ADGRL2: variants seen among roughly 807,000 people sequenced by gnomAD.
ADGRL2 encodes the protein adhesion G protein-coupled receptor L2.
A neutral mutation model predicts 157.4 loss-of-function variants in ADGRL2; 44 were observed. That is an observed-to-expected ratio of 0.28 (90% confidence interval 0.22 to 0.36). ADGRL2 has a LOEUF of 0.36. Among genes scored for constraint, ADGRL2 ranks in the 10% least tolerant of loss-of-function variants. ADGRL2 has a pLI of 1.00. For synonymous variants in ADGRL2, 585 were observed against 624.7 expected (o/e 0.94, Z 0.95); for missense variants, 1,510 against 1,768.9 (o/e 0.85, Z 2.63).
intron 1 of ADGRL2, among the ~76,000 whole-genome samples, chr1:81,390,008 G>A (rs2076504896): frequency 1.3e-5 from 2 of 152,020 alleles, no homozygotes; most frequent in South Asian, 4.1e-4. Flanking sequence ...TACAGGTTGA[G>A]GTAATGGTCT....
chr1:81,575,460 T>C (rs928492043), intron 2 of ADGRL2, among the ~76,000 whole-genome samples: 3 of 143,456 alleles, frequency 2.1e-5, no homozygotes, highest in African/African-American at 7.3e-5. Context: ...TAAATCACTG[T>C]TAGCGGCAGT....
intron 3 of ADGRL2, among the ~76,000 whole-genome samples, chr1:81,653,230 C>T (rs970736174): frequency 4.0e-5 from 6 of 151,814 alleles, no homozygotes; most frequent in African/African-American, 1.5e-4. Flanking sequence ...TCCTCCATTA[C>T]TCAGTACATG....
intron 1 of ADGRL2, among the ~76,000 whole-genome samples, chr1:81,358,361 T>A (rs1343560964): frequency 6.6e-6 from 1 of 152,186 alleles, no homozygotes; most frequent in African/African-American, 2.4e-5. Context: ...GATGACTAAG[T>A]TGAAGATGCC....
Position 81,971,856 on chromosome 1 carries a change from T to A in ADGRL2, c.2959T>A (p.Trp987Arg). ...YKSYGTEKAC[W>R]LHVDNYFIWS... ...ATTCTTCTCTTTTCATAATAGTTGC[T>A]GGCTTCATGTTGATAACTACTTTAT... The change falls in exon 17 of 24, where the codon TGG (tryptophan) becomes AGG (arginine). Residue 987 changes from tryptophan to arginine, a missense_variant. Coordinates refer to ENST00000686636, the MANE Select transcript of ADGRL2 (RefSeq NM_001366006.2). The A allele has an allele frequency of 6.3e-7, 1 of 1,596,958 alleles. No homozygotes were observed. The highest frequency in any genetic ancestry group is 8.6e-7 in the Non-Finnish European group (1 of 1,165,496).
intron 10 of ADGRL2, among the ~76,000 whole-genome samples, chr1:81,954,213 C>CT (rs140156138): frequency 0.28 from 41,559 of 147,910 alleles, 6,141 homozygotes; most frequent in Middle Eastern, 0.37. Flanking sequence ...AAAAGAATAG[C>CT]TTTTTTTTTT....
chr1:81,539,894 C>A (rs967222746), intron 2 of ADGRL2, among the ~76,000 whole-genome samples: 1 of 151,804 alleles, frequency 6.6e-6, no homozygotes, highest in Non-Finnish European at 1.5e-5. Context: ...ACATCCCTTA[C>A]TCTAGAACTT....
intron 2 of ADGRL2, among the ~76,000 whole-genome samples, chr1:81,448,881 C>T (rs1307221332): frequency 6.6e-6 from 1 of 152,094 alleles, no homozygotes; most frequent in Admixed American, 6.6e-5. Context: ...GTCTATATTA[C>T]ACCCAAAACT....
At chr1:81,763,152 AATAG>A (rs1384128183) in intron 2 of ADGRL2, among the ~76,000 whole-genome samples, 5 of 152,212 alleles carry the variant, frequency 3.3e-5, no homozygotes, top group Admixed American at 6.5e-5. Flanking sequence ...TCCTATAATA[AATAG>A]ATATTGTTTT....
chr1:81,543,338 T>C (rs1211766932), intron 2 of ADGRL2, among the ~76,000 whole-genome samples: 5 of 151,970 alleles, frequency 3.3e-5, no homozygotes, highest in Non-Finnish European at 7.4e-5. Flanking sequence ...CCTTCCATCA[T>C]GTGAGGACAC....
At chr1:81,688,833 T>C (rs2083279445) in intron 3 of ADGRL2, among the ~76,000 whole-genome samples, 1 of 152,112 alleles carries the variant, frequency 6.6e-6, no homozygotes, top group African/African-American at 2.4e-5. Flanking sequence ...CTGAAGGCTG[T>C]TGTTCAGATT....
intron 3 of ADGRL2, among the ~76,000 whole-genome samples, chr1:81,661,484 C>T (rs890834864): frequency 1.3e-5 from 2 of 152,146 alleles, no homozygotes; most frequent in Non-Finnish European, 2.9e-5. Context: ...CTAAATATGT[C>T]ATTTAAACTA....
chr1:81,502,420 C>A, intron 2 of ADGRL2: 1 of 1,614,062 alleles, frequency 6.2e-7, no homozygotes, highest in Non-Finnish European at 8.5e-7. Flanking sequence ...ATGAACTGGA[C>A]GGTGATCCTG....
At chr1:81,494,664 C>G (rs940335144) in intron 2 of ADGRL2, among the ~76,000 whole-genome samples, 2 of 152,132 alleles carry the variant, frequency 1.3e-5, no homozygotes, top group African/African-American at 4.8e-5. Flanking sequence ...GTTGGCACCC[C>G]TACAAATGTA....
intron 1 of ADGRL2, among the ~76,000 whole-genome samples, chr1:81,710,676 A>G (rs2083899296): frequency 6.6e-6 from 1 of 151,016 alleles, no homozygotes; most frequent in African/African-American, 2.4e-5. Flanking sequence ...TACATCTCTC[A>G]GTATTTACCA....
chr1:81,718,601 G>C (rs114582887), intron 1 of ADGRL2, among the ~76,000 whole-genome samples: 2,278 of 152,198 alleles, frequency 0.015, 63 homozygotes, highest in African/African-American at 0.052. Context: ...AAAGTGTTTT[G>C]TATCCTTTTC....
At chr1:81,989,493 T>C (rs531370474) in intron 23 of ADGRL2, among the ~76,000 whole-genome samples, 1 of 152,166 alleles carries the variant, frequency 6.6e-6, no homozygotes, top group Non-Finnish European at 1.5e-5. Context: ...TTAGAGAGAT[T>C]ATTAGTACCA....
chr1:81,787,424 G>C (rs750466359), intron 2 of ADGRL2, among the ~76,000 whole-genome samples: 25 of 152,164 alleles, frequency 1.6e-4, no homozygotes, highest in Non-Finnish European at 3.2e-4. Flanking sequence ...TTAGGAGGAG[G>C]AGGGTGGATC....
chr1:81,707,834 G>C (rs2083789261), intron 1 of ADGRL2, among the ~76,000 whole-genome samples: 1 of 152,068 alleles, frequency 6.6e-6, no homozygotes, highest in African/African-American at 2.4e-5. Flanking sequence ...CCCTTTAAGA[G>C]TGCAGCTGAG....
intron 3 of ADGRL2, among the ~76,000 whole-genome samples, chr1:81,655,106 C>G (rs530111526): frequency 6.6e-6 from 1 of 152,230 alleles, no homozygotes; most frequent in South Asian, 2.1e-4. Flanking sequence ...GGGGCTGGCT[C>G]TCTGGCCTCA....
Sources: gnomAD v4.1 joint callset for allele counts (sites outside exome capture counted in the v4.1 genomes callset) on GRCh38, gnomAD v4.1.1 for gene constraint, MANE v1.5 for transcripts, NCBI Gene and HGNC (gene_info 2026-07-23, HGNC 2026-07-21) for gene names.